The following FARP1 variants were observed in gnomAD, a reference collection of about 807,000 sequenced individuals.
FARP1 encodes the protein FERM, ARHGEF and pleckstrin domain-containing protein 1.
Under a neutral mutation model 128.8 loss-of-function variants are expected in FARP1, and 52 were observed. The observed-to-expected ratio is 0.40, with a 90% CI of 0.32 to 0.51. The LOEUF is 0.51. Ranked by LOEUF, FARP1 falls within the 20% of genes least tolerant of loss-of-function variation. The pLI, the probability that FARP1 is intolerant of heterozygous loss-of-function variation, is 0.45. For missense variants in FARP1, 1,333 were observed against 1,367.9 expected (o/e 0.97, Z 0.40); for synonymous variants, 580 against 551.8 (o/e 1.05, Z -0.72).
chr13:98,342,441 G>A (rs1888010158), intron 2 of FARP1, among the ~76,000 whole-genome samples: 1 of 152,208 alleles, frequency 6.6e-6, no homozygotes, highest in African/African-American at 2.4e-5. Flanking sequence ...GCTCGTACCT[G>A]TAGTCCCAGC....
rs888502210 is a variant in FARP1 at position 98,183,521 on chromosome 13, C to A, written c.-23-29699C>A. ...GGGACCTCTGCATCCACTTAAGGGT[C>A]CACGCTTGGACGAATGCTCCCGTCA... On this transcript the variant is annotated intron_variant, in intron 1 of 26. Coordinates refer to ENST00000319562, the MANE Select transcript of FARP1 (RefSeq NM_005766.4). 3.9e-5 allele frequency among the ~76,000 whole-genome samples: 6 copies of A among 152,294 alleles called. No individual in the cohort carries two copies. The South Asian group carries it at 1.2e-3, about 32-fold the overall frequency.
At chr13:98,169,164 A>G (rs1278980815) in intron 1 of FARP1, among the ~76,000 whole-genome samples, 1 of 152,148 alleles carries the variant, frequency 6.6e-6, no homozygotes, top group East Asian at 1.9e-4. Context: ...ATAGCCATTC[A>G]GTTCCCCCAT....
In FARP1 at chr13:98,440,668, A is replaced by G; in HGVS notation, c.2630-2A>G. ...AGTGCTGCCTTTTGCCCCATCCTGTAGAGTCCCCTGATGAAGCCACCGCGG... is the reference window on the plus strand; with the variant it reads ...AGTGCTGCCTTTTGCCCCATCCTGTGGAGTCCCCTGATGAAGCCACCGCGG... On this transcript the variant is annotated splice_acceptor_variant, in intron 23 of 26. Transcript: ENST00000319562. LOFTEE classifies it high-confidence loss of function. 1 of 1,611,536 alleles carries G rather than the reference A, an allele frequency of 6.2e-7. No homozygotes were observed. The highest frequency in any genetic ancestry group is 8.5e-7 in the Non-Finnish European group (1 of 1,178,950).
At chr13:98,309,795 C>G (rs1211981105) in intron 2 of FARP1, among the ~76,000 whole-genome samples, 2 of 152,324 alleles carry the variant, frequency 1.3e-5, no homozygotes, top group East Asian at 1.9e-4. Context: ...TTACCCCAAA[C>G]GGACAAACTC....
intron 2 of FARP1, among the ~76,000 whole-genome samples, chr13:98,280,676 A>T (rs1884892198): frequency 6.6e-6 from 1 of 152,222 alleles, no homozygotes; most frequent in Non-Finnish European, 1.5e-5. Flanking sequence ...CCTAAGTTTG[A>T]CAAATTAATG....
intron 2 of FARP1, among the ~76,000 whole-genome samples, chr13:98,339,412 G>GA (rs537150179): frequency 8.5e-5 from 13 of 152,150 alleles, no homozygotes; most frequent in Non-Finnish European, 1.8e-4. Context: ...CTGCCCCCAT[G>GA]ATCCAGCTAC....
intron 2 of FARP1, among the ~76,000 whole-genome samples, chr13:98,222,369 G>A (rs957969568): frequency 5.3e-5 from 8 of 152,146 alleles, no homozygotes; most frequent in African/African-American, 9.7e-5. Flanking sequence ...AAGTCTGCCC[G>A]TACATTATCT....
At position 98,293,743 on chromosome 13, in the gene FARP1, G is replaced by A. The variant is rs149662520; in HGVS notation, c.172-50019G>A. On this transcript the variant is annotated intron_variant, in intron 2 of 26. Transcript: ENST00000319562. ...GTGACCTCCCTGAGCCTAGAGAAAGGCAGGGCAGGGATTTATCGGGTTAAC... is the reference window on the plus strand; with the variant it reads ...GTGACCTCCCTGAGCCTAGAGAAAGACAGGGCAGGGATTTATCGGGTTAAC... 5.1e-3 allele frequency among the ~76,000 whole-genome samples: 777 copies of A among 152,304 alleles called. 4 individuals are homozygous for A. The highest frequency in any genetic ancestry group is 7.7e-3 in the Non-Finnish European group (524 of 68,026).
chr13:98,315,886 C>T (rs780759353), intron 2 of FARP1, among the ~76,000 whole-genome samples: 15 of 152,148 alleles, frequency 9.9e-5, no homozygotes, highest in Non-Finnish European at 1.9e-4. Flanking sequence ...AAAATAGCTC[C>T]TAGAACTTCA....
intron 5 of FARP1, among the ~76,000 whole-genome samples, chr13:98,373,533 G>GACACACACACACACACACACACACACAC (rs58658962): frequency 5.3e-5 from 7 of 130,980 alleles, no homozygotes; most frequent in South Asian, 2.7e-4. Flanking sequence ...CAGACAGACA[G>GACACACACACACACACACACACACACAC]ACACACACAC....
At chr13:98,419,752 CAA>C (rs1169462876) in intron 16 of FARP1, among the ~76,000 whole-genome samples, 1 of 151,866 alleles carries the variant, frequency 6.6e-6, no homozygotes, top group African/African-American at 2.4e-5. Flanking sequence ...TAAGAGGCTT[CAA>C]AAAAAGATCT....
chr13:98,386,569 C>T (rs1263335887), intron 8 of FARP1, among the ~76,000 whole-genome samples: 3 of 152,074 alleles, frequency 2.0e-5, no homozygotes, highest in Admixed American at 6.5e-5. Context: ...CTGTAAAATT[C>T]CCCACAAAAC....
intron 5 of FARP1, among the ~76,000 whole-genome samples, chr13:98,368,737 G>T (rs1306319515): frequency 1.3e-5 from 2 of 152,068 alleles, no homozygotes; most frequent in Non-Finnish European, 1.5e-5. Flanking sequence ...ATGCTTGCTT[G>T]GCCAGAGTGG....
At position 98,440,109 on chromosome 13, in the gene FARP1, GTC is replaced by G; in HGVS notation, c.2517-10_2517-9del. 4 of 1,611,068 alleles carry G rather than the reference GTC, an allele frequency of 2.5e-6. No individual in the cohort carries two copies. Among genetic ancestry groups the G allele is most frequent in the Non-Finnish European group, 3.4e-6 (4 of 1,177,244 alleles). ...GTGCTGTGGCCTGAACACCTGACGC[GTC>G]TCTGTCTCCAGTTCTCGGTCCGAGA... On this transcript the variant is annotated splice_polypyrimidine_tract_variant and intron_variant, in intron 22 of 26. Transcript: ENST00000319562.
chr13:98,378,726 T>G (rs1292470353), intron 6 of FARP1, among the ~76,000 whole-genome samples: 5 of 151,472 alleles, frequency 3.3e-5, no homozygotes, highest in Non-Finnish European at 7.4e-5. Flanking sequence ...GTCAAAAAGT[T>G]GCCTTAGTCT....
chr13:98,429,520 C>T (rs968984363), intron 17 of FARP1, among the ~76,000 whole-genome samples: 3 of 152,124 alleles, frequency 2.0e-5, no homozygotes, highest in Non-Finnish European at 2.9e-5. Flanking sequence ...GGGCAGGTCC[C>T]ACATTTTCTG....
At position 98,176,933 on chromosome 13, in the gene FARP1, G is replaced by A; in HGVS notation, c.-24+33441G>A. On this transcript the variant is annotated intron_variant, in intron 1 of 26. Transcript: ENST00000319562. This position sits in a 1 kb window ranked among gnomAD's most constrained non-coding sequence, Gnocchi z 6.2. ...GCCCCCATGTCCTCTGGCCCCACAG[G>A]CTTCGCCGAGCGGGTGGACCTGTAC... The A allele has an allele frequency of 6.2e-7, 1 of 1,603,112 alleles. No homozygotes were observed.
chr13:98,330,712 G>C (rs534796422), intron 2 of FARP1, among the ~76,000 whole-genome samples: 1 of 151,624 alleles, frequency 6.6e-6, no homozygotes, highest in South Asian at 2.1e-4. Flanking sequence ...CCAAGATCAC[G>C]CCACTGCACT....
chr13:98,348,197 C>T (rs1888259156), intron 3 of FARP1, among the ~76,000 whole-genome samples: 1 of 152,230 alleles, frequency 6.6e-6, no homozygotes, highest in Non-Finnish European at 1.5e-5. Flanking sequence ...GAGTTGATTG[C>T]AGTGTTGACA....
Sources: gnomAD v4.1 joint callset for allele counts (sites outside exome capture counted in the v4.1 genomes callset) on GRCh38, gnomAD v4.1.1 for gene constraint, Gnocchi (gnomAD v3.1) non-coding constraint, MANE v1.5 for transcripts, NCBI Gene and HGNC (gene_info 2026-07-23, HGNC 2026-07-21) for gene names.